The following HYDIN variants were observed in gnomAD, a reference collection of about 807,000 sequenced individuals.
HYDIN encodes axonemal central pair apparatus protein HYDIN.
A neutral mutation model predicts 403.9 loss-of-function variants in HYDIN; 132 were observed. The ratio of observed to expected loss-of-function variants is 0.33; its 90% confidence interval spans 0.28 to 0.38. The LOEUF is 0.38. Among genes scored for constraint, HYDIN ranks in the 10% least tolerant of loss-of-function variants. The pLI is 1.00. For missense variants in HYDIN, 2,827 were observed against 5,009.5 expected (o/e 0.56, Z 13.15); for synonymous variants, 1,202 against 1,891.7 (o/e 0.64, Z 9.46).
chr16:71,163,313 G>A (rs1330788970), intron 5 of HYDIN, among the ~76,000 whole-genome samples: 3 of 151,796 alleles, frequency 2.0e-5, no homozygotes, highest in African/African-American at 4.8e-5. Context: ...TAGTAGAGAC[G>A]GGGTTTCACC....
rs551451924 is a variant in HYDIN, at chr16:70,955,159, A to G, written c.6316+216T>C. On this transcript the variant is annotated intron_variant, in intron 40 of 85. Transcript: ENST00000393567. The stretch of plus-strand genomic sequence containing the variant: ...TGTCTTATTCATTGTCCTGGTCCCC[A>G]CAGTGGCAAGAGCACGCTGGCATTG... Among the ~76,000 whole-genome samples the G allele has an allele frequency of 8.5e-5, 13 of 152,258 alleles. No individual in the cohort carries two copies. The East Asian group carries it at 2.5e-3, about 29-fold the overall frequency.
intron 25 of HYDIN, 171 bp downstream of exon 25, chr16:70,991,147 A>T (rs1316641810): frequency 9.7e-6 from 9 of 929,450 alleles, no homozygotes; most frequent in Non-Finnish European, 1.4e-5. Flanking sequence ...GTAGGCTCTC[A>T]CTGAGTGTTG....
At chr16:71,185,759 T>C (rs928069908) in intron 2 of HYDIN, among the ~76,000 whole-genome samples, 1 of 152,216 alleles carries the variant, frequency 6.6e-6, no homozygotes. Flanking sequence ...TCCTACTATA[T>C]GTGCAGGGAG....
chr16:71,185,843 C>G (rs1284881407), intron 2 of HYDIN, among the ~76,000 whole-genome samples: 1 of 152,086 alleles, frequency 6.6e-6, no homozygotes, highest in Admixed American at 6.6e-5. Context: ...GGGTATATAA[C>G]TTAGCTGCTT....
intron 10 of HYDIN, among the ~76,000 whole-genome samples, chr16:71,105,562 C>T (rs1311440361): frequency 1.2e-5 from 1 of 81,342 alleles, no homozygotes; most frequent in Non-Finnish European, 2.5e-5. Context: ...TTTTATGACT[C>T]ACAGAAAGCA....
At chr16:70,882,405 T>C (rs2040863401) in intron 60 of HYDIN, among the ~76,000 whole-genome samples, 1 of 152,198 alleles carries the variant, frequency 6.6e-6, no homozygotes, top group Non-Finnish European at 1.5e-5. Flanking sequence ...TTTAGGCACA[T>C]AGTGAGCATT....
intron 22 of HYDIN, among the ~76,000 whole-genome samples, chr16:71,019,955 C>A (rs2080419878): frequency 6.6e-6 from 1 of 152,256 alleles, no homozygotes; most frequent in Non-Finnish European, 1.5e-5. Flanking sequence ...CTGGTTCTGC[C>A]ACTTACTAGC....
intron 79 of HYDIN, 66 bp from the exon 80 acceptor site, chr16:70,833,133 C>T (rs1457406311): frequency 1.4e-6 from 2 of 1,420,464 alleles, no homozygotes; most frequent in African/African-American, 1.5e-5. Flanking sequence ...CTCAATGCTA[C>T]TGAGAACAAG....
intron 45 of HYDIN, among the ~76,000 whole-genome samples, chr16:70,930,233 C>A (rs1156984851): frequency 1.3e-5 from 2 of 152,276 alleles, no homozygotes; most frequent in Non-Finnish European, 2.9e-5. Context: ...GTAATCCCAG[C>A]ACTTTCAGAG....
intron 5 of HYDIN, among the ~76,000 whole-genome samples, chr16:71,175,237 CTAA>C (rs950375793): frequency 2.0e-5 from 3 of 151,528 alleles, no homozygotes; most frequent in African/African-American, 4.9e-5. Context: ...TACCATACTA[CTAA>C]TACCAATACC....
chr16:71,230,675 C>T lies in HYDIN; in HGVS notation c.-137G>A, dbSNP rs1262423355. 2.6e-6 allele frequency: 4 copies of T among 1,535,960 alleles called. No individual in the cohort carries two copies. The South Asian group carries it at 4.8e-5, about 18-fold the overall frequency. The stretch of plus-strand genomic sequence containing the variant: ...GGCTCCATACCCAGCTTGAAGCCGC[C>T]CGCACTCTCCATGCGCCGCCCGAGC... On this transcript the variant is annotated 5_prime_UTR_variant, in exon 1 of 86. Transcript: ENST00000393567.
chr16:71,220,625 G>A (rs2089151806), intron 1 of HYDIN, among the ~76,000 whole-genome samples: 1 of 152,076 alleles, frequency 6.6e-6, no homozygotes, highest in Non-Finnish European at 1.5e-5. Context: ...AATACATCCA[G>A]GTTTCACGAA....
intron 1 of HYDIN, among the ~76,000 whole-genome samples, chr16:71,224,565 T>G (rs1354166340): frequency 2.1e-5 from 3 of 145,246 alleles, no homozygotes; most frequent in African/African-American, 7.6e-5. Context: ...TTTTCTTTTT[T>G]TTTTTTTTTT....
At chr16:70,817,209 G>T (rs185667023) in intron 84 of HYDIN, 1 of 151,810 alleles carries the variant, frequency 6.6e-6, no homozygotes, top group Non-Finnish European at 1.5e-5. Context: ...TAAAAAACCC[G>T]ACAATACCAA....
chr16:71,017,185 C>CA (rs138869000), intron 23 of HYDIN, among the ~76,000 whole-genome samples: 8,647 of 122,896 alleles, frequency 0.07, 814 homozygotes, highest in African/African-American at 0.23. Context: ...ACTAAAAATA[C>CA]AAAAAAAAAA....
At chr16:70,931,501 G>T (rs1189371168) in intron 45 of HYDIN, among the ~76,000 whole-genome samples, 2 of 152,008 alleles carry the variant, frequency 1.3e-5, no homozygotes, top group Non-Finnish European at 2.9e-5. Flanking sequence ...CAGCATGAAT[G>T]TGACCTGGGA....
intron 11 of HYDIN, among the ~76,000 whole-genome samples, chr16:71,089,147 C>G (rs1463967215): frequency 6.7e-6 from 1 of 150,288 alleles, no homozygotes; most frequent in Non-Finnish European, 1.5e-5. Context: ...AAGTTGTACT[C>G]CTATATTCTA....
At chr16:71,202,481 CTTGT>C (rs2088070763) in intron 1 of HYDIN, among the ~76,000 whole-genome samples, 1 of 152,052 alleles carries the variant, frequency 6.6e-6, no homozygotes, top group African/African-American at 2.4e-5. Flanking sequence ...CCCTCTTTTG[CTTGT>C]TTAACAATAA....
intron 41 of HYDIN, among the ~76,000 whole-genome samples, chr16:70,946,525 C>T (rs1304564641): frequency 3.3e-5 from 5 of 152,018 alleles, no homozygotes; most frequent in Non-Finnish European, 7.4e-5. Flanking sequence ...TTAGGTTTGC[C>T]AGGGTTGAAG....
Sources: allele counts gnomAD v4.1 joint callset (sites outside exome capture counted in the v4.1 genomes callset), GRCh38; gene constraint gnomAD v4.1.1; transcripts MANE v1.5; gene names NCBI Gene and HGNC (gene_info 2026-07-23, HGNC 2026-07-21).